CARNMT1: variants seen among roughly 807,000 people sequenced by gnomAD.
CARNMT1 encodes the protein carnosine N-methyltransferase 1.
In CARNMT1, 28 loss-of-function variants were observed where a neutral mutation model predicts 49.6. The observed-to-expected ratio is 0.56, with a 90% CI of 0.42 to 0.77. CARNMT1 has a LOEUF of 0.77. Ranked by LOEUF, CARNMT1 falls within the 30% of genes least tolerant of loss-of-function variation. CARNMT1 has a pLI of 0.00. For synonymous variants in CARNMT1, 178 were observed against 175.0 expected, an observed-to-expected ratio of 1.02 and a Z score of -0.13; for missense variants, 421 against 512.6, an observed-to-expected ratio of 0.82 and a Z score of 1.73.
Position 75,028,175 on chromosome 9 carries a change from C to G in CARNMT1, c.67G>C (p.Gly23Arg). Residue 23 changes from glycine to arginine, a missense_variant, in exon 1 of 8, where the codon GGT (glycine) becomes CGT (arginine). Coordinates refer to ENST00000376834, the MANE Select transcript of CARNMT1 (RefSeq NM_152420.3). ...RLPEGCGGGGGGSEEVEVQFS... is the reference protein window; with the variant it reads ...RLPEGCGGGGRGSEEVEVQFS... Reference sequence around the variant, plus strand: ...TGCACTTCCACCTCCTCGCTGCCACCGCCTCCTCCCCCGCAGCCCTCGGGC... The same window carrying G: ...TGCACTTCCACCTCCTCGCTGCCACGGCCTCCTCCCCCGCAGCCCTCGGGC... 3.3e-6 allele frequency: 5 copies of G among 1,520,914 alleles called. No homozygotes were observed. The highest frequency in any genetic ancestry group is 4.4e-6 in the Non-Finnish European group (5 of 1,135,320). 94.2% of individuals were successfully genotyped at this position (1,520,914 alleles called of 1,614,324 possible).
intron 1 of CARNMT1, among the ~76,000 whole-genome samples, chr9:75,021,043 C>T (rs1240480232): frequency 6.6e-6 from 1 of 151,906 alleles, no homozygotes; most frequent in East Asian, 1.9e-4. Flanking sequence ...GGGACTAAAC[C>T]AAGTCAGTTA....
At chr9:75,007,720 C>A (rs895756245) in intron 3 of CARNMT1, among the ~76,000 whole-genome samples, 1 of 129,020 alleles carries the variant, frequency 7.8e-6, no homozygotes, top group Non-Finnish European at 1.6e-5. Flanking sequence ...CAGAGCGAGA[C>A]CCTGTCTCAA....
At chr9:75,017,591 G>A (rs1833890643) in intron 1 of CARNMT1, 143 bp from the exon 2 acceptor site, 2 of 673,910 alleles carry the variant, frequency 3.0e-6, no homozygotes, top group Non-Finnish European at 4.9e-6. Context: ...GCTTTAAAAA[G>A]GCATTAACTT....
rs952344220 is a variant in CARNMT1, at chr9:75,008,202, A to G, written c.590+8066T>C. 4.1e-5 allele frequency among the ~76,000 whole-genome samples: 6 copies of G among 146,430 alleles called. No homozygotes were observed. In the South Asian group the frequency reaches 1.3e-3, roughly 32 times the overall value. On this transcript the variant is annotated intron_variant, in intron 3 of 7. Transcript: ENST00000376834. ...AAAAAAAAAAAAAAAAAAAACCCTCATAATGTTTTAAGAAAGTTTATGAAT... is the reference window on the plus strand; with the variant it reads ...AAAAAAAAAAAAAAAAAAAACCCTCGTAATGTTTTAAGAAAGTTTATGAAT...
intron 3 of CARNMT1, among the ~76,000 whole-genome samples, chr9:75,011,088 T>C (rs1240308982): frequency 6.6e-6 from 1 of 151,424 alleles, no homozygotes; most frequent in Non-Finnish European, 1.5e-5. Flanking sequence ...ATAAGAGAAA[T>C]GCAAATTAAG....
At chr9:75,015,789 A>C (rs1009873293) in intron 3 of CARNMT1, 1 of 148,518 alleles carries the variant, frequency 6.7e-6, no homozygotes, top group East Asian at 1.9e-4. Context: ...GTCTCAAAAA[A>C]ATAAATAAAT....
At chr9:75,026,155 T>A (rs566406279) in intron 1 of CARNMT1, among the ~76,000 whole-genome samples, 24 of 152,256 alleles carry the variant, frequency 1.6e-4, no homozygotes, top group East Asian at 1.3e-3. Context: ...CTGTTTTTTT[T>A]AAAAAATGAA....
intron 6 of CARNMT1, among the ~76,000 whole-genome samples, chr9:74,987,457 G>C (rs1832878745): frequency 6.6e-6 from 1 of 152,046 alleles, no homozygotes; most frequent in Non-Finnish European, 1.5e-5. Context: ...AATAAAAAAA[G>C]ACCACCACAA....
At chr9:75,024,494 C>T (rs750141899) in intron 1 of CARNMT1, among the ~76,000 whole-genome samples, 3 of 152,196 alleles carry the variant, frequency 2.0e-5, no homozygotes, top group Non-Finnish European at 4.4e-5. Flanking sequence ...AGCTTTTCAA[C>T]TCTAGTGTTT....
At chr9:75,027,918 GCGGCGGGACGGCGAGCGCCCCCGTTC>G in intron 1 of CARNMT1, 68 bp downstream of exon 1, 1 of 1,346,350 alleles carries the variant, frequency 7.4e-7, no homozygotes, top group Non-Finnish European at 9.7e-7. Flanking sequence ...CGGAGGCGTG[GCGGCGGGACGGCGAGCGCCCCCGTTC>G]CGGCGGGTCC....
At chr9:75,027,013 A>G in intron 1 of CARNMT1, 19 of 1,151,972 alleles carry the variant, frequency 1.6e-5, no homozygotes, top group Non-Finnish European at 2.1e-5. Flanking sequence ...AAAACTTTGC[A>G]TAAAGCACAG....
chr9:75,014,918 T>C (rs952379357), intron 3 of CARNMT1, among the ~76,000 whole-genome samples: 1 of 152,102 alleles, frequency 6.6e-6, no homozygotes, highest in Non-Finnish European at 1.5e-5. Context: ...ACATATGTAT[T>C]GAAATTTCTG....
chr9:74,996,816 ATAT>A (rs759760621), intron 5 of CARNMT1, among the ~76,000 whole-genome samples: 36 of 152,222 alleles, frequency 2.4e-4, no homozygotes, highest in Admixed American at 1.1e-3. Context: ...TAATCTCTAC[ATAT>A]TATTACCAAA....
intron 1 of CARNMT1, among the ~76,000 whole-genome samples, chr9:75,023,420 G>A (rs1202281366): frequency 1.3e-5 from 2 of 152,190 alleles, no homozygotes; most frequent in African/African-American, 2.4e-5. Context: ...TTATCACCAA[G>A]TAATATCAAG....
intron 1 of CARNMT1, chr9:75,027,420 C>T (rs1313891426): frequency 2.0e-6 from 2 of 985,298 alleles, no homozygotes; most frequent in Admixed American, 6.1e-5. Flanking sequence ...ACCACTTCCG[C>T]CCTTAATCAC....
At chr9:75,028,391 C>A, upstream of CARNMT1, 1 of 1,293,844 alleles carries the variant, frequency 7.7e-7, no homozygotes, top group African/African-American at 1.6e-5. Flanking sequence ...AGGCCTCCAT[C>A]CGCGCTGGGC....
chr9:75,021,968 T>C (rs1163029986), intron 1 of CARNMT1, among the ~76,000 whole-genome samples: 1 of 151,942 alleles, frequency 6.6e-6, no homozygotes, highest in Non-Finnish European at 1.5e-5. Context: ...AAAAGTCATC[T>C]AGCATCTTAC....
At chr9:75,003,960 C>T (rs1478471568) in intron 3 of CARNMT1, among the ~76,000 whole-genome samples, 1 of 152,240 alleles carries the variant, frequency 6.6e-6, no homozygotes, top group Non-Finnish European at 1.5e-5. Context: ...ACTGCAACCT[C>T]CGCCTCCAGG....
chr9:75,027,294 G>T, intron 1 of CARNMT1: 1 of 613,974 alleles, frequency 1.6e-6, no homozygotes, highest in Non-Finnish European at 2.0e-6. Context: ...CTACCACAGT[G>T]CCTAGCACAC....
Sources: allele counts gnomAD v4.1 joint callset (sites outside exome capture counted in the v4.1 genomes callset), GRCh38; gene constraint gnomAD v4.1.1; transcripts MANE v1.5; gene names NCBI Gene and HGNC (gene_info 2026-07-23, HGNC 2026-07-21).